The following ALPK1 variants were observed in gnomAD, a reference collection of about 807,000 sequenced individuals.
ALPK1 encodes the protein alpha kinase 1, also known as alpha-protein kinase 1.
In ALPK1, 110 loss-of-function variants were observed where a neutral mutation model predicts 120.6. The observed-to-expected ratio is 0.91, with a 90% CI of 0.78 to 1.07. ALPK1 has a LOEUF of 1.07. Among genes scored for constraint, ALPK1 ranks in the 50% least tolerant of loss-of-function variants. The pLI is 0.00. For missense variants in ALPK1, 1,498 were observed against 1,483.9 expected, an observed-to-expected ratio of 1.01 and a Z score of -0.16; for synonymous variants, 582 against 560.3, an observed-to-expected ratio of 1.04 and a Z score of -0.55.
rs1318489685 is a variant in ALPK1, at chr4:112,423,661, A to G, written c.476-283A>G. ...CAGCCTGTTAGAAAAGTTTGCCTCTACTCCTCAAACCCTGCTCTATGTGAA... is the reference window on the plus strand; with the variant it reads ...CAGCCTGTTAGAAAAGTTTGCCTCTGCTCCTCAAACCCTGCTCTATGTGAA... On this transcript the variant is annotated intron_variant, in intron 5 of 15. Coordinates refer to ENST00000650871, the MANE Select transcript of ALPK1 (RefSeq NM_025144.4). The G allele has an allele frequency of 1.3e-5, 7 of 536,678 alleles. No homozygotes were observed. In the Admixed American group the frequency reaches 1.7e-4, roughly 13 times the overall value. The allele number at this position is 536,678 out of a possible 1,614,324, so 33.2% of individuals were successfully genotyped here. A position where few individuals can be genotyped will look rare whatever the true frequency, so the allele number is the denominator to read the frequency against.
intron 2 of ALPK1, among the ~76,000 whole-genome samples, chr4:112,346,922 G>A (rs1578484965): frequency 6.6e-6 from 1 of 152,168 alleles, no homozygotes; most frequent in East Asian, 1.9e-4. Flanking sequence ...TGACTACACT[G>A]GGGCCTCCTG....
chr4:112,408,529 G>A (rs1297526072), intron 4 of ALPK1, among the ~76,000 whole-genome samples: 1 of 151,034 alleles, frequency 6.6e-6, no homozygotes, highest in Non-Finnish European at 1.5e-5. Context: ...AGAGTGCAGT[G>A]GCACAATCTT....
chr4:112,377,481 G>A (rs1348598504), intron 2 of ALPK1, among the ~76,000 whole-genome samples, 197 bp from the exon 3 acceptor site: 6 of 152,220 alleles, frequency 3.9e-5, no homozygotes, highest in African/African-American at 9.6e-5. Flanking sequence ...GGCCCCTCTC[G>A]CTTCTGCACT....
chr4:112,363,804 A>G (rs978424009), intron 2 of ALPK1, among the ~76,000 whole-genome samples: 4 of 152,196 alleles, frequency 2.6e-5, no homozygotes, highest in Admixed American at 2.0e-4. Flanking sequence ...AGGCCATATG[A>G]TAGGCCACAA....
chr4:112,340,738 AT>A (rs778074644), intron 2 of ALPK1, among the ~76,000 whole-genome samples: 1 of 152,176 alleles, frequency 6.6e-6, no homozygotes, highest in Non-Finnish European at 1.5e-5. Context: ...CATCTTCATA[AT>A]TTTCCACATA....
chr4:112,331,699 A>G (rs938510887), intron 2 of ALPK1, among the ~76,000 whole-genome samples: 2 of 152,234 alleles, frequency 1.3e-5, no homozygotes, highest in Admixed American at 1.3e-4. Context: ...ATTACACTGT[A>G]TATGTGGGTC....
Position 112,441,482 on chromosome 4 carries a change from G to A in ALPK1, c.*272G>A. On this transcript the variant is annotated 3_prime_UTR_variant, in exon 16 of 16. Transcript: ENST00000650871. ...AAAAGCACTCTTGAGAAAGGCATGT[G>A]TTGTTTAAGCCATTGAGATTTTAGA... 1 of 492,900 alleles carries A rather than the reference G, an allele frequency of 2.0e-6. No individual in the cohort carries two copies. Among genetic ancestry groups the A allele is most frequent in the Non-Finnish European group, 3.6e-6 (1 of 276,046 alleles). 30.5% of individuals were successfully genotyped at this position (492,900 alleles called of 1,614,324 possible).
chr4:112,398,147 C>A (rs1732747550), intron 4 of ALPK1, among the ~76,000 whole-genome samples: 2 of 151,924 alleles, frequency 1.3e-5, no homozygotes, highest in African/African-American at 4.8e-5. Flanking sequence ...ATGGAAGGAG[C>A]AACAAATACA....
chr4:112,430,637 G>A lies in ALPK1; in HGVS notation c.1090G>A (p.Val364Met). 1.2e-6 allele frequency: 2 copies of A among 1,614,154 alleles called. No individual in the cohort carries two copies. Among genetic ancestry groups the A allele is most frequent in the Non-Finnish European group, 1.7e-6 (2 of 1,180,026 alleles). Residue 364 changes from valine to methionine, a missense_variant, in exon 11 of 16, where the codon GTG (valine) becomes ATG (methionine). Transcript: ENST00000650871. ...FVKAAFGLTT[V>M]HRRLHGETGT... Reference sequence around the variant, plus strand: ...CAAAGCTGCTTTCGGTCTCACCACAGTGCACAGAAGGCTCCATGGGGAGAC... The same window carrying A: ...CAAAGCTGCTTTCGGTCTCACCACAATGCACAGAAGGCTCCATGGGGAGAC...
intron 2 of ALPK1, among the ~76,000 whole-genome samples, chr4:112,347,486 G>A (rs1666749099): frequency 6.6e-6 from 1 of 152,122 alleles, no homozygotes; most frequent in South Asian, 2.1e-4. Context: ...TTTCTTCTAA[G>A]TAGTATAATA....
chr4:112,308,605 A>G (rs1320209610), intron 1 of ALPK1, among the ~76,000 whole-genome samples: 1 of 152,056 alleles, frequency 6.6e-6, no homozygotes, highest in African/African-American at 2.4e-5. Flanking sequence ...CCATCAGGTC[A>G]TTTAAGGACT....
intron 2 of ALPK1, among the ~76,000 whole-genome samples, chr4:112,330,184 C>A (rs927412202): frequency 2.6e-5 from 4 of 152,190 alleles, no homozygotes; most frequent in Admixed American, 2.0e-4. Flanking sequence ...AAAAGAGGAA[C>A]AAGCTGGATT....
At chr4:112,355,392 C>G (rs1271572375) in intron 2 of ALPK1, among the ~76,000 whole-genome samples, 1 of 152,128 alleles carries the variant, frequency 6.6e-6, no homozygotes, top group African/African-American at 2.4e-5. Flanking sequence ...GCGACACGAG[C>G]AGAAGCTGGA....
chr4:112,330,427 A>T (rs2148700386), intron 2 of ALPK1, among the ~76,000 whole-genome samples: 1 of 152,306 alleles, frequency 6.6e-6, no homozygotes, highest in East Asian at 1.9e-4. Flanking sequence ...GGGAGAGGGG[A>T]AAAAGGAAAT....
At chr4:112,357,337 C>A in intron 2 of ALPK1, 1 of 816,924 alleles carries the variant, frequency 1.2e-6, no homozygotes, top group Non-Finnish European at 2.0e-6. Context: ...TCAGTGTAGA[C>A]CCCTCCGAGA....
At chr4:112,367,955 G>A (rs576576120) in intron 2 of ALPK1, among the ~76,000 whole-genome samples, 1 of 152,240 alleles carries the variant, frequency 6.6e-6, no homozygotes, top group African/African-American at 2.4e-5. Context: ...AGGCTGGAGT[G>A]CAGTGGCATG....
intron 11 of ALPK1, 80 bp from the exon 12 acceptor site, chr4:112,435,068 A>G: frequency 7.2e-7 from 1 of 1,396,878 alleles, no homozygotes; most frequent in South Asian, 1.3e-5. Flanking sequence ...CTGGCGTAGG[A>G]CCTGTGTCAC....
In ALPK1 at chr4:112,430,427, G is replaced by A. The variant is rs201803470; in HGVS notation, c.901-21G>A. The A allele has an allele frequency of 9.2e-5, 142 of 1,541,620 alleles. No homozygotes were observed. The African/African-American group carries it at 1.7e-3, about 18-fold the overall frequency. Reference sequence around the variant, plus strand: ...CAGTTTTCAATTCAATATCTGATTTGGTATTTGGTATTTTTCCCAGAATAT... The same window carrying A: ...CAGTTTTCAATTCAATATCTGATTTAGTATTTGGTATTTTTCCCAGAATAT... On this transcript the variant is annotated intron_variant, in intron 10 of 15. Coordinates refer to ENST00000650871, the MANE Select transcript of ALPK1 (RefSeq NM_025144.4).
At chr4:112,337,655 A>G (rs560553752) in intron 2 of ALPK1, among the ~76,000 whole-genome samples, 14 of 152,332 alleles carry the variant, frequency 9.2e-5, no homozygotes, top group African/African-American at 3.1e-4. Context: ...GTGAGCTACA[A>G]TCATGCCACT....
Sources: gnomAD v4.1 joint callset for allele counts (sites outside exome capture counted in the v4.1 genomes callset) on GRCh38, gnomAD v4.1.1 for gene constraint, MANE v1.5 for transcripts, NCBI Gene and HGNC (gene_info 2026-07-23, HGNC 2026-07-21) for gene names.